TTC28: variants seen among roughly 807,000 people sequenced by gnomAD.
The protein encoded by TTC28 is tetratricopeptide repeat domain 28, also known as tetratricopeptide repeat protein 28.
A neutral mutation model predicts 198.0 loss-of-function variants in TTC28; 61 were observed. The ratio of observed to expected loss-of-function variants is 0.31; its 90% CI spans 0.25 to 0.38. TTC28 has a LOEUF of 0.38. Ranked by LOEUF, TTC28 falls within the 10% of genes least tolerant of loss-of-function variation. The probability of loss-of-function intolerance (pLI) is 1.00; values close to 1 mark genes in which losing one functional copy is unlikely to be tolerated. For synonymous variants in TTC28, 1,171 were observed against 1,297.8 expected, an observed-to-expected ratio of 0.90 and a Z score of 2.10; for missense variants, 2,678 against 3,164.0, an observed-to-expected ratio of 0.85 and a Z score of 3.69.
intron 3 of TTC28, among the ~76,000 whole-genome samples, chr22:28,304,435 C>T (rs2045094802): frequency 6.6e-6 from 1 of 151,974 alleles, no homozygotes; most frequent in African/African-American, 2.4e-5. Context: ...GAAAAGCCCA[C>T]CTGGAATAGA....
chr22:28,129,307 A>T (rs961217429), intron 6 of TTC28, among the ~76,000 whole-genome samples: 2 of 152,208 alleles, frequency 1.3e-5, no homozygotes, highest in Non-Finnish European at 2.9e-5. Context: ...TAAAATCCCA[A>T]TGTCAGATCT....
chr22:28,490,880 C>T (rs1243100170), intron 2 of TTC28, among the ~76,000 whole-genome samples: 1 of 152,080 alleles, frequency 6.6e-6, no homozygotes, highest in African/African-American at 2.4e-5. Flanking sequence ...TAAAAATTAC[C>T]ATTATATACT....
At position 28,425,460 on chromosome 22, in the gene TTC28, G is replaced by A. The variant is rs564625347; in HGVS notation, c.382-118817C>T. Among the ~76,000 whole-genome samples the A allele has an allele frequency of 7.2e-5, 11 of 152,270 alleles. No homozygotes were observed. In the South Asian group the frequency reaches 2.3e-3, roughly 32 times the overall value. On this transcript the variant is annotated intron_variant, in intron 2 of 22. Coordinates refer to ENST00000397906, the MANE Select transcript of TTC28 (RefSeq NM_001145418.2). ...GTCCTTCAGGGGTTTAAGATCAAGTGGCAGAAACCAATATAAACAAGCAAA... is the reference window on the plus strand; with the variant it reads ...GTCCTTCAGGGGTTTAAGATCAAGTAGCAGAAACCAATATAAACAAGCAAA...
At chr22:28,630,294 T>C (rs2051152353) in intron 1 of TTC28, among the ~76,000 whole-genome samples, 1 of 152,140 alleles carries the variant, frequency 6.6e-6, no homozygotes, top group African/African-American at 2.4e-5. Context: ...TTTTTTACTC[T>C]TATTTTTTTT....
chr22:28,591,487 C>A (rs2050435028), intron 2 of TTC28, among the ~76,000 whole-genome samples: 1 of 152,080 alleles, frequency 6.6e-6, no homozygotes. Context: ...GTAACTGAAG[C>A]TAACAGAAGT....
chr22:28,568,264 C>T (rs530725683), intron 2 of TTC28, among the ~76,000 whole-genome samples: 1 of 152,224 alleles, frequency 6.6e-6, no homozygotes, highest in South Asian at 2.1e-4. Context: ...TTGGATAACA[C>T]TTTAAGAAGT....
Position 28,096,296 on chromosome 22 carries a change from G to T in TTC28, c.3660C>A (p.Val1220=). 1 of 1,551,908 alleles carries T rather than the reference G, an allele frequency of 6.4e-7. No individual in the cohort carries two copies. The highest frequency in any genetic ancestry group is 1.2e-5 in the South Asian group (1 of 84,046). The change falls in exon 11 of 23, where the codon GTC becomes GTA. Residue 1220 remains valine (V), a synonymous_variant. Coordinates refer to ENST00000397906, the MANE Select transcript of TTC28 (RefSeq NM_001145418.2). ...CCATCTCTAAGATCTGATCAATAGTGACTGGGGAGTAGGGGTCGGAGTCTT... is the reference window on the plus strand; with the variant it reads ...CCATCTCTAAGATCTGATCAATAGTTACTGGGGAGTAGGGGTCGGAGTCTT... ...GQQDSDPYSP[V]TIDQILEMVN... is the part of the protein sequence containing the mutation.
At chr22:28,567,475 C>CATATATATAT (rs1217643047) in intron 2 of TTC28, among the ~76,000 whole-genome samples, 93 of 13,758 alleles carry the variant, frequency 6.8e-3, no homozygotes, top group South Asian at 0.018. Context: ...CATATACATA[C>CATATATATAT]ATACATATAT....
chr22:28,330,422 T>TACA (rs1261938448), intron 2 of TTC28, among the ~76,000 whole-genome samples: 1 of 152,184 alleles, frequency 6.6e-6, no homozygotes, highest in Non-Finnish European at 1.5e-5. Flanking sequence ...TTTGACTTGT[T>TACA]AGGGTCCCTT....
At chr22:28,573,890 A>G (rs538882449) in intron 2 of TTC28, among the ~76,000 whole-genome samples, 1 of 151,402 alleles carries the variant, frequency 6.6e-6, no homozygotes, top group Non-Finnish European at 1.5e-5. Flanking sequence ...ATTCTACTCT[A>G]TCTCTGTGAG....
intron 2 of TTC28, among the ~76,000 whole-genome samples, chr22:28,571,033 T>C (rs1309861436): frequency 2.0e-5 from 3 of 152,222 alleles, no homozygotes; most frequent in Non-Finnish European, 2.9e-5. Flanking sequence ...TACTCTTTAA[T>C]TTGTCCTTTA....
chr22:28,556,803 G>T (rs1173209714), intron 2 of TTC28, among the ~76,000 whole-genome samples: 1 of 152,192 alleles, frequency 6.6e-6, no homozygotes, highest in Admixed American at 6.5e-5. Flanking sequence ...ACACTTCCAA[G>T]GTAGCTCACT....
At chr22:28,244,192 G>A (rs999087055) in intron 5 of TTC28, among the ~76,000 whole-genome samples, 4 of 152,204 alleles carry the variant, frequency 2.6e-5, no homozygotes, top group Non-Finnish European at 4.4e-5. Flanking sequence ...AGAGTTGGGC[G>A]GGTTTGAGTA....
chr22:28,567,381 CCT>C (rs988015865), intron 2 of TTC28, among the ~76,000 whole-genome samples: 43 of 144,484 alleles, frequency 3.0e-4, no homozygotes, highest in African/African-American at 1.0e-3. Context: ...ACAGCAAGAC[CCT>C]GTCTCAAAAA....
At position 27,979,017 on chromosome 22, in the gene TTC28, C is replaced by T. The variant is rs1383614507; in HGVS notation, c.*3204G>A. On this transcript the variant is annotated 3_prime_UTR_variant, in exon 23 of 23. Transcript: ENST00000397906. Reference sequence around the variant, plus strand: ...GACTCCTCCCAAGTGGGACAAAGAGCCAAGGGCTATGCAGGAGGCATTTGC... The same window carrying T: ...GACTCCTCCCAAGTGGGACAAAGAGTCAAGGGCTATGCAGGAGGCATTTGC... The T allele has an allele frequency of 6.6e-6, 1 of 152,208 alleles. No homozygotes were observed. Among genetic ancestry groups the T allele is most frequent in the Non-Finnish European group, 1.5e-5 (1 of 68,052 alleles). 9.4% of individuals were successfully genotyped at this position (152,208 alleles called of 1,614,324 possible). A position where few individuals can be genotyped will look rare whatever the true frequency, so the allele number is the denominator to read the frequency against.
At chr22:28,483,275 A>C (rs2048277286) in intron 2 of TTC28, among the ~76,000 whole-genome samples, 1 of 152,154 alleles carries the variant, frequency 6.6e-6, no homozygotes, top group African/African-American at 2.4e-5. Context: ...CAGACATGTA[A>C]GTGTCATGTC....
At chr22:28,337,053 T>G (rs906251810) in intron 2 of TTC28, among the ~76,000 whole-genome samples, 73 of 152,310 alleles carry the variant, frequency 4.8e-4, no homozygotes, top group African/African-American at 1.6e-3. Context: ...TTGTTCTCAT[T>G]GGTTTCAAAG....
chr22:28,626,520 C>T (rs1315704565), intron 2 of TTC28, among the ~76,000 whole-genome samples: 1 of 152,028 alleles, frequency 6.6e-6, no homozygotes, highest in African/African-American at 2.4e-5. Context: ...GACAAAATTT[C>T]ACCAGATATA....
At chr22:28,624,566 C>A (rs369240866) in intron 2 of TTC28, among the ~76,000 whole-genome samples, 1 of 152,142 alleles carries the variant, frequency 6.6e-6, no homozygotes, top group Admixed American at 6.5e-5. Context: ...AATAGCCCTA[C>A]ATCAATCAAA....
Sources: gnomAD v4.1 joint callset for allele counts (sites outside exome capture counted in the v4.1 genomes callset) on GRCh38, gnomAD v4.1.1 for gene constraint, MANE v1.5 for transcripts, NCBI Gene and HGNC (gene_info 2026-07-23, HGNC 2026-07-21) for gene names.